The following IGDCC4 variants were observed in gnomAD, a reference collection of about 807,000 sequenced individuals.
IGDCC4 encodes the protein immunoglobulin superfamily DCC subclass member 4.
A neutral mutation model predicts 116.6 loss-of-function variants in IGDCC4; 72 were observed. The ratio of observed to expected loss-of-function variants is 0.62; its 90% confidence interval spans 0.51 to 0.75. IGDCC4 has a LOEUF of 0.75. IGDCC4 is among the 30% of genes least tolerant of loss of function. The probability of loss-of-function intolerance (pLI) is 0.00; values close to 1 mark genes in which losing one functional copy is unlikely to be tolerated. For missense variants in IGDCC4, 1,501 were observed against 1,662.4 expected (o/e 0.90, Z 1.69); for synonymous variants, 709 against 719.9 (o/e 0.98, Z 0.24).
At chr15:65,406,559 A>G (rs78880701) in intron 3 of IGDCC4, among the ~76,000 whole-genome samples, 2,714 of 152,284 alleles carry the variant, frequency 0.018, 46 homozygotes, top group South Asian at 0.051. Context: ...TTAACTGCAC[A>G]TGTGCCACGT....
rs1445732836 is a variant in IGDCC4, at chr15:65,416,718, C to T, written c.71-5348G>A. Among the ~76,000 whole-genome samples the T allele has an allele frequency of 2.0e-5, 3 of 152,278 alleles. No homozygotes were observed. The East Asian group carries it at 5.8e-4, about 29-fold the overall frequency. The stretch of plus-strand genomic sequence containing the variant: ...CTGGCTTTCTGTCTTGAGGGGGCCA[C>T]CCCTCCCATAATCCCTTCTCCTCAA... On this transcript the variant is annotated intron_variant, in intron 1 of 19. Coordinates refer to ENST00000352385, the MANE Select transcript of IGDCC4 (RefSeq NM_020962.3).
At chr15:65,399,801 G>GA (rs1448809497) in intron 5 of IGDCC4, among the ~76,000 whole-genome samples, 4 of 152,170 alleles carry the variant, frequency 2.6e-5, no homozygotes, top group African/African-American at 9.7e-5. Flanking sequence ...TTGAGTATGA[G>GA]ATATAAACTT....
At chr15:65,421,728 C>A (rs577477001) in intron 1 of IGDCC4, among the ~76,000 whole-genome samples, 1 of 151,138 alleles carries the variant, frequency 6.6e-6, no homozygotes, top group East Asian at 2.0e-4. Context: ...ATCCTCAGCT[C>A]CCCCCTCCGC....
chr15:65,402,609 C>T lies in IGDCC4; in HGVS notation c.564-122G>A, dbSNP rs931565356. 5.1e-5 allele frequency: 67 copies of T among 1,301,206 alleles called. No individual in the cohort carries two copies. In the South Asian group the frequency reaches 6.1e-4, roughly 12 times the overall value. 80.6% of individuals were successfully genotyped at this position (1,301,206 alleles called of 1,614,324 possible). A position where few individuals can be genotyped will look rare whatever the true frequency, so the allele number is the denominator to read the frequency against. On this transcript the variant is annotated intron_variant, in intron 3 of 19. Coordinates refer to ENST00000352385, the MANE Select transcript of IGDCC4 (RefSeq NM_020962.3). ...CCAGGCTGGGCGCAGTGGCTCACGCCTATAATCCCAGCACTTTGGGAGGCG... is the reference window on the plus strand; with the variant it reads ...CCAGGCTGGGCGCAGTGGCTCACGCTTATAATCCCAGCACTTTGGGAGGCG...
intron 18 of IGDCC4, chr15:65,385,368 G>A: frequency 1.8e-6 from 1 of 560,566 alleles, no homozygotes; most frequent in South Asian, 2.3e-5. Context: ...TCCGAGCCAG[G>A]CGGGGAGAGG....
In IGDCC4 at chr15:65,395,821, A is replaced by G. The variant is rs1300510274; in HGVS notation, c.1340T>C (p.Val447Ala). 1.3e-6 allele frequency: 2 copies of G among 1,522,054 alleles called. No individual in the cohort carries two copies. The highest frequency in any genetic ancestry group is 1.4e-5 in the African/African-American group (1 of 71,824). The allele number at this position is 1,522,054 out of a possible 1,614,324, so 94.3% of individuals were successfully genotyped here. ...ATPLSSSAVL[V>A]AWERPEMHSE... ...GTGCATCTCGGGCCGCTCCCAGGCC[A>G]CCAACACAGCGGAGCTGCTCAGTGG... The change falls in exon 7 of 20, where the codon GTG becomes GCG. Residue 447 changes from valine to alanine, a missense_variant. This residue lies in a region of IGDCC4 where 898 missense variants were observed against 978.9 expected (regional missense o/e 0.92). Transcript: ENST00000352385.
chr15:65,386,009 A>G lies in IGDCC4; in HGVS notation c.3002T>C (p.Leu1001Pro). ...SSTATPGNPA[L>P]YSRARLGPPS... ...GGGGCCAAGCCGAGCTCTGGAGTAC[A>G]GCGCGGGATTCCCGGGGGTGGCGGT... Residue 1001 changes from leucine to proline, a missense_variant, in exon 18 of 20, where the codon CTG (leucine) becomes CCG (proline). By Grantham distance (98) the Leu-to-Pro change is moderately conservative. Transcript: ENST00000352385. The G allele has an allele frequency of 6.4e-7, 1 of 1,574,674 alleles. No individual in the cohort carries two copies. The highest frequency in any genetic ancestry group is 8.6e-7 in the Non-Finnish European group (1 of 1,164,728).
In IGDCC4 at chr15:65,401,410, C is replaced by T. The variant is rs544399564; in HGVS notation, c.701-464G>A. ...CAGTGGGCTTGAGTTTCTGCCTGTGCGGCAGTTCCCTAAACCCTGATTTCC... is the reference window on the plus strand; with the variant it reads ...CAGTGGGCTTGAGTTTCTGCCTGTGTGGCAGTTCCCTAAACCCTGATTTCC... On this transcript the variant is annotated intron_variant, in intron 4 of 19. Coordinates refer to ENST00000352385, the MANE Select transcript of IGDCC4 (RefSeq NM_020962.3). Among the ~76,000 whole-genome samples, 24 of 152,336 alleles carry T rather than the reference C, an allele frequency of 1.6e-4. 1 individual carries two copies. In the South Asian group the frequency reaches 4.3e-3, roughly 28 times the overall value.
In IGDCC4 at chr15:65,395,905, G is replaced by A. The variant is rs146781403; in HGVS notation, c.1256C>T (p.Ser419Leu). The part of the protein sequence containing the change: ...NSAGMACAAA[S>L]LAVVVREGLP... ...CCCCTCGCGCACCACCACGGCCAGC[G>A]ACGCGGCAGCGCACGCCATTCCCGC... The change falls in exon 7 of 20, where the codon TCG becomes TTG. Residue 419 changes from serine (S) to leucine (L), a missense_variant. Transcript: ENST00000352385. The A allele has an allele frequency of 5.7e-6, 9 of 1,589,950 alleles. No individual in the cohort carries two copies. The highest frequency in any genetic ancestry group is 7.7e-6 in the Non-Finnish European group (9 of 1,175,074).
At chr15:65,394,973 G>A (rs2062906319) in intron 8 of IGDCC4, 121 bp downstream of exon 8, 3 of 1,105,076 alleles carry the variant, frequency 2.7e-6, no homozygotes, top group Non-Finnish European at 3.8e-6. Flanking sequence ...CTCTCTTACG[G>A]GGCACAAAAG....
At chr15:65,385,564 G>T in intron 18 of IGDCC4, 2 of 586,738 alleles carry the variant, frequency 3.4e-6, no homozygotes, top group South Asian at 4.0e-5. Context: ...CAGGGATGAG[G>T]AGGGAGCTGG....
rs916006057 is a variant in IGDCC4, at chr15:65,382,482, T to A, written c.*1527A>T. The A allele has an allele frequency of 2.0e-5, 3 of 152,020 alleles. No individual in the cohort carries two copies. Among genetic ancestry groups the A allele is most frequent in the South Asian group, 2.1e-4 (1 of 4,804 alleles). 9.4% of individuals were successfully genotyped at this position (152,020 alleles called of 1,614,324 possible). ...CCCAGAAGGCAGAGTTAACTCTTGA[T>A]GTGCCAATCAGACATCATTAGGGAG... On this transcript the variant is annotated 3_prime_UTR_variant, in exon 20 of 20. Coordinates refer to ENST00000352385, the MANE Select transcript of IGDCC4 (RefSeq NM_020962.3).
At chr15:65,410,848 G>T (rs2063084368) in intron 2 of IGDCC4, 172 bp downstream of exon 2, 1 of 601,934 alleles carries the variant, frequency 1.7e-6, no homozygotes, top group Non-Finnish European at 2.9e-6. Context: ...GAATACCCAA[G>T]AATGAGGATA....
chr15:65,388,337 G>T, intron 16 of IGDCC4, 112 bp downstream of exon 16: 1 of 1,429,600 alleles, frequency 7.0e-7, no homozygotes, highest in Non-Finnish European at 9.7e-7. Context: ...CATTTGCTCT[G>T]CCCCCACCAA....
chr15:65,383,214 A>T lies in IGDCC4; in HGVS notation c.*795T>A, dbSNP rs1218520107. ...GAGTTTGAACCCAGGCAGGAGAACA[A>T]GATGACATAGTCTGGGAGAGGTGTG... On this transcript the variant is annotated 3_prime_UTR_variant, in exon 20 of 20. Coordinates refer to ENST00000352385, the MANE Select transcript of IGDCC4 (RefSeq NM_020962.3). 3.3e-5 allele frequency: 5 copies of T among 153,030 alleles called. No individual in the cohort carries two copies. Among genetic ancestry groups the T allele is most frequent in the Non-Finnish European group, 7.3e-5 (5 of 68,262 alleles). 9.5% of individuals were successfully genotyped at this position (153,030 alleles called of 1,614,324 possible).
At chr15:65,409,630 C>G (rs1230304569) in intron 3 of IGDCC4, among the ~76,000 whole-genome samples, 1 of 152,220 alleles carries the variant, frequency 6.6e-6, no homozygotes, top group Non-Finnish European at 1.5e-5. Context: ...CCTGGGATTG[C>G]TCTACCCATC....
At chr15:65,386,133 CTA>C in intron 17 of IGDCC4, 74 bp from the exon 18 acceptor site, 3 of 976,674 alleles carry the variant, frequency 3.1e-6, no homozygotes, top group South Asian at 3.4e-5. Flanking sequence ...CTGGTCCAGC[CTA>C]TGTCTCTGGG....
Position 65,400,897 on chromosome 15 carries a change from T to C in IGDCC4, c.750A>G (p.Pro250=), listed in dbSNP as rs759038222. ...GGCCAGACACCACTGTGGTGTTCTC[T>C]GGGGCTGCCACAATGACCACGTCCT... The part of the protein sequence containing the change: ...RGQDVVIVAA[P]ENTTVVSGQS... Residue 250 remains proline (P), a synonymous_variant, in exon 5 of 20, where the codon CCA becomes CCG. Transcript: ENST00000352385. The C allele has an allele frequency of 6.2e-7, 1 of 1,614,074 alleles. No individual in the cohort carries two copies. The highest frequency in any genetic ancestry group is 1.1e-5 in the South Asian group (1 of 91,070).
chr15:65,392,336 T>G lies in IGDCC4; in HGVS notation c.1920A>C (p.Ala640=). 2.6e-6 allele frequency: 4 copies of G among 1,564,670 alleles called. No individual in the cohort carries two copies. Among genetic ancestry groups the G allele is most frequent in the Non-Finnish European group, 3.5e-6 (4 of 1,152,170 alleles). ...ATGACACGACCAGGGACTCCATCTT[T>G]GCCTGCACCTTCAACTCTGCAGGGG... The part of the protein sequence containing the change: ...PFAPAELKVQ[A]KMESLVVSWQ... Residue 640 remains alanine (A), a synonymous_variant, in exon 11 of 20, where the codon GCA becomes GCC. Coordinates refer to ENST00000352385, the MANE Select transcript of IGDCC4 (RefSeq NM_020962.3).
Sources: gnomAD v4.1 joint callset for allele counts (sites outside exome capture counted in the v4.1 genomes callset) on GRCh38, gnomAD v4.1.1 for gene constraint, gnomAD v4.1.1 regional missense constraint, MANE v1.5 for transcripts, NCBI Gene and HGNC (gene_info 2026-07-23, HGNC 2026-07-21) for gene names.